Variants in CEMIP2 observed in about 807,000 individuals in gnomAD.
CEMIP2 encodes the protein cell surface hyaluronidase CEMIP2.
CEMIP2 carries 79 observed loss-of-function variants against 146.9 expected under a neutral mutation model. The observed-to-expected ratio is 0.54, with a 90% confidence interval of 0.45 to 0.65. The LOEUF is 0.65. CEMIP2 is among the 30% of genes least tolerant of loss of function. The pLI is 0.00. For missense variants in CEMIP2, 1,596 were observed against 1,696.2 expected (o/e 0.94, Z 1.04); for synonymous variants, 601 against 606.3 (o/e 0.99, Z 0.13).
At chr9:71,708,499 TAG>T (rs1822818370) in intron 17 of CEMIP2, among the ~76,000 whole-genome samples, 1 of 152,208 alleles carries the variant, frequency 6.6e-6, no homozygotes, top group Admixed American at 6.5e-5. Context: ...TGTACCGACA[TAG>T]AGAAGTTAAT....
At chr9:71,743,174 C>T (rs1230431495) in intron 4 of CEMIP2, among the ~76,000 whole-genome samples, 1 of 152,204 alleles carries the variant, frequency 6.6e-6, no homozygotes, top group Admixed American at 6.5e-5. Flanking sequence ...ACATTGTCGG[C>T]TTCCATTTAT....
intron 1 of CEMIP2, among the ~76,000 whole-genome samples, chr9:71,766,325 GGCCTCCCAAAGT>G (rs911484928): frequency 6.6e-6 from 1 of 151,704 alleles, no homozygotes; most frequent in African/African-American, 2.4e-5. Flanking sequence ...CACCTGCCTC[GGCCTCCCAAAGT>G]GCTGGGATTA....
chr9:71,685,234 T>C lies in CEMIP2; in HGVS notation c.4115A>G (p.Asp1372Gly), dbSNP rs775716129. Residue 1372 changes from aspartate to glycine, a missense_variant, in exon 24 of 24, where the codon GAC becomes GGC. Transcript: ENST00000377044. ...TGAAGCTTGCTTTAGCAGTTCCAGG[T>C]CTCTTCTGCGGACAGTGGTGGCTCT... Reference protein sequence around the residue: ...CPRATTVRRRDLELLKQASKA... With the variant: ...CPRATTVRRRGLELLKQASKA... 2.2e-5 allele frequency: 36 copies of C among 1,612,174 alleles called. No homozygotes were observed. The highest frequency in any genetic ancestry group is 3.1e-5 in the Non-Finnish European group (36 of 1,179,506).
chr9:71,756,545 C>A (rs948255892), intron 1 of CEMIP2, among the ~76,000 whole-genome samples: 1 of 150,504 alleles, frequency 6.6e-6, no homozygotes, highest in Non-Finnish European at 1.5e-5. Context: ...AACACACACA[C>A]AAGAGAAAGA....
At position 71,722,506 on chromosome 9, in the gene CEMIP2, A is replaced by G. The variant is rs1823262213; in HGVS notation, c.2188T>C (p.Phe730Leu). The G allele has an allele frequency of 6.8e-6, 11 of 1,612,872 alleles. No individual in the cohort carries two copies. The highest frequency in any genetic ancestry group is 2.7e-5 in the African/African-American group (2 of 75,010). Residue 730 changes from phenylalanine to leucine, a missense_variant, in exon 12 of 24, where the codon TTT becomes CTT. Coordinates refer to ENST00000377044, the MANE Select transcript of CEMIP2 (RefSeq NM_013390.3). ...RVHSNFKAGL[F>L]IDKGVKTTNS... ...GTTGTTTTGACACCTTTGTCAATAA[A>G]TAAGCCAGCCTGAAAAATATAAATA...
chr9:71,692,933 A>G (rs984898215), intron 21 of CEMIP2, among the ~76,000 whole-genome samples: 1 of 151,416 alleles, frequency 6.6e-6, no homozygotes, highest in Non-Finnish European at 1.5e-5. Context: ...GACAACAACA[A>G]CAACAAAAAC....
intron 12 of CEMIP2, among the ~76,000 whole-genome samples, chr9:71,720,771 T>C (rs1823211348): frequency 6.6e-6 from 1 of 152,240 alleles, no homozygotes; most frequent in Non-Finnish European, 1.5e-5. Context: ...ACTAGTTCAG[T>C]ATATGCACAA....
intron 11 of CEMIP2, among the ~76,000 whole-genome samples, chr9:71,723,654 T>C (rs1823305233): frequency 6.6e-6 from 1 of 152,146 alleles, no homozygotes; most frequent in Non-Finnish European, 1.5e-5. Context: ...TTGCAACATG[T>C]TTTATTTATG....
intron 5 of CEMIP2, 148 bp downstream of exon 5, chr9:71,739,915 C>A: frequency 1.4e-6 from 1 of 721,242 alleles, no homozygotes; most frequent in Non-Finnish European, 2.2e-6. Context: ...AAAGATTAAG[C>A]ACAGTAGGAA....
At chr9:71,728,193 T>TTCTCTCTCTCTCTCTCTC (rs369654117) in intron 10 of CEMIP2, among the ~76,000 whole-genome samples, 8 of 29,610 alleles carry the variant, frequency 2.7e-4, no homozygotes, top group African/African-American at 7.0e-4. Flanking sequence ...CAGCGAAACC[T>TTCTCTCTCTCTCTCTCTC]TCTCTCTCTC....
Position 71,698,296 on chromosome 9 carries a change from C to T in CEMIP2, c.3378-92G>A, listed in dbSNP as rs1372400675. 7 of 1,003,722 alleles carry T rather than the reference C, an allele frequency of 7.0e-6. No individual in the cohort carries two copies. The East Asian group carries it at 1.2e-4, about 17-fold the overall frequency. The allele number at this position is 1,003,722 out of a possible 1,614,324, so 62.2% of individuals were successfully genotyped here. On this transcript the variant is annotated intron_variant, in intron 19 of 23. Coordinates refer to ENST00000377044, the MANE Select transcript of CEMIP2 (RefSeq NM_013390.3). The stretch of plus-strand genomic sequence containing the variant: ...TCAGCTCATGGCCAAAAGGGATATT[C>T]CTCCAATTAGTAACTTTTCCTTAAA...
chr9:71,747,176 AT>A (rs1824115462), intron 2 of CEMIP2, among the ~76,000 whole-genome samples: 1 of 152,178 alleles, frequency 6.6e-6, no homozygotes. Flanking sequence ...GAGAAAAAAA[AT>A]CACGCCTTCA....
At chr9:71,752,259 G>A (rs1048934993) in intron 1 of CEMIP2, among the ~76,000 whole-genome samples, 10 of 151,368 alleles carry the variant, frequency 6.6e-5, no homozygotes, top group Admixed American at 3.3e-4. Flanking sequence ...TTGCAAGGGT[G>A]CTAAGTCTAA....
chr9:71,709,530 A>G, intron 16 of CEMIP2, 56 bp from the exon 17 acceptor site: 1 of 1,430,982 alleles, frequency 7.0e-7, no homozygotes, highest in Non-Finnish European at 9.8e-7. Context: ...CTATCTCAGC[A>G]TCCCCTGCAA....
intron 21 of CEMIP2, 114 bp downstream of exon 21, chr9:71,694,395 T>A (rs1441844283): frequency 1.3e-6 from 1 of 748,084 alleles, no homozygotes; most frequent in Non-Finnish European, 2.3e-6. Context: ...AGTGCTGGGA[T>A]CACAGGTGTG....
At chr9:71,712,289 C>T (rs1822929688) in intron 15 of CEMIP2, 29 bp from the exon 16 acceptor site, 3 of 1,606,270 alleles carry the variant, frequency 1.9e-6, no homozygotes, top group Middle Eastern at 1.7e-4. Flanking sequence ...TTGTTTAATG[C>T]ATATGGGCTG....
chr9:71,718,130 A>T, intron 12 of CEMIP2, 51 bp from the exon 13 acceptor site: 2 of 1,509,656 alleles, frequency 1.3e-6, no homozygotes, highest in East Asian at 4.7e-5. Flanking sequence ...AGCCATAGGA[A>T]TTAGCTAGTT....
At chr9:71,727,145 G>A (rs996769206) in intron 10 of CEMIP2, among the ~76,000 whole-genome samples, 10 of 152,276 alleles carry the variant, frequency 6.6e-5, no homozygotes, top group African/African-American at 2.4e-4. Flanking sequence ...TACATGCAAC[G>A]CTTTCTTCTT....
At chr9:71,759,014 T>C (rs1227100588) in intron 1 of CEMIP2, among the ~76,000 whole-genome samples, 3 of 152,100 alleles carry the variant, frequency 2.0e-5, no homozygotes, top group African/African-American at 7.3e-5. Flanking sequence ...GCACAGTTAG[T>C]TTACTTACAC....
Sources: gnomAD v4.1 joint callset for allele counts (sites outside exome capture counted in the v4.1 genomes callset) on GRCh38, gnomAD v4.1.1 for gene constraint, MANE v1.5 for transcripts, NCBI Gene and HGNC (gene_info 2026-07-23, HGNC 2026-07-21) for gene names.